CTTN: variants seen among roughly 807,000 people sequenced by gnomAD.
CTTN encodes src substrate cortactin.
Under a neutral mutation model 84.0 loss-of-function variants are expected in CTTN, and 28 were observed. That is an observed-to-expected ratio of 0.33 (90% confidence interval 0.25 to 0.46). The LOEUF is 0.46. Among genes scored for constraint, CTTN ranks in the 20% least tolerant of loss-of-function variants. The pLI is 1.00. For missense variants in CTTN, 641 were observed against 723.8 expected (o/e 0.89, Z 1.31); for synonymous variants, 301 against 288.8 (o/e 1.04, Z -0.43).
chr11:70,399,142 G>T (rs2135539640), intron 1 of CTTN, among the ~76,000 whole-genome samples: 1 of 150,996 alleles, frequency 6.6e-6, no homozygotes, highest in East Asian at 2.0e-4. Context: ...TGGGTGTGGG[G>T]GGTCTCAAGG....
rs760754072 is a variant in CTTN at position 70,419,762 on chromosome 11, C to T, written c.585C>T (p.Phe195=). Residue 195 remains phenylalanine, a synonymous_variant, in exon 9 of 18, where the codon TTC becomes TTT. Transcript: ENST00000301843. ...TGTTTTTAGATTACTCCAAAGGTTT[C>T]GGCGGCAAATACGGTATCGACAAGG... is the stretch of plus-strand genomic sequence containing the variant. ...HESQRDYSKG[F]GGKYGIDKDK... is the part of the protein sequence containing the mutation. 2.4e-5 allele frequency: 39 copies of T among 1,610,194 alleles called. 1 individual carries two copies. The South Asian group carries it at 2.6e-4, about 11-fold the overall frequency.
At chr11:70,399,194 G>A (rs1034214056) in intron 1 of CTTN, among the ~76,000 whole-genome samples, 1 of 151,464 alleles carries the variant, frequency 6.6e-6, no homozygotes, top group Non-Finnish European at 1.5e-5. Flanking sequence ...GGGTGCAGAG[G>A]GAAAGGGATG....
At chr11:70,400,537 C>T (rs368844259) in intron 1 of CTTN, among the ~76,000 whole-genome samples, 1 of 152,238 alleles carries the variant, frequency 6.6e-6, no homozygotes, top group African/African-American at 2.4e-5. Context: ...CTTAAGCGAT[C>T]CTCCCACCTC....
rs746605499 is a variant in CTTN, at chr11:70,423,014, G to T, written c.957+19G>T. 2.5e-6 allele frequency: 4 copies of T among 1,613,890 alleles called. No homozygotes were observed. The highest frequency in any genetic ancestry group is 3.4e-6 in the Non-Finnish European group (4 of 1,179,896). Reference sequence around the variant, plus strand: ...GGATAAGGTAAATATTCCAGCCCCGGAGCTTAGTGTCTTCTGCCTGCAGGG... The same window carrying T: ...GGATAAGGTAAATATTCCAGCCCCGTAGCTTAGTGTCTTCTGCCTGCAGGG... On this transcript the variant is annotated intron_variant, in intron 12 of 17. Transcript: ENST00000301843.
chr11:70,422,243 A>G (rs2058245372), intron 11 of CTTN: 1 of 348,638 alleles, frequency 2.9e-6, no homozygotes, highest in Non-Finnish European at 5.7e-6. Flanking sequence ...TAGAACCTGA[A>G]CACATAATTG....
intron 5 of CTTN, among the ~76,000 whole-genome samples, chr11:70,413,465 GTC>G (rs918953939): frequency 2.9e-4 from 44 of 152,320 alleles, no homozygotes; most frequent in African/African-American, 1.0e-3. Context: ...GGACCAGAGG[GTC>G]TCTCAATAGA....
At chr11:70,434,620 C>A (rs1565502258) in intron 17 of CTTN, among the ~76,000 whole-genome samples, 1 of 152,266 alleles carries the variant, frequency 6.6e-6, no homozygotes, top group Non-Finnish European at 1.5e-5. Flanking sequence ...CCCATTTCAG[C>A]CATCACCTCG....
At chr11:70,402,664 G>C (rs535478192) in intron 1 of CTTN, among the ~76,000 whole-genome samples, 1 of 152,318 alleles carries the variant, frequency 6.6e-6, no homozygotes, top group Admixed American at 6.5e-5. Context: ...TGTCACTGCT[G>C]GATCCTCTTT....
intron 11 of CTTN, chr11:70,421,903 C>T (rs540056543): frequency 2.9e-5 from 9 of 315,776 alleles, no homozygotes; most frequent in Non-Finnish European, 4.7e-5. Flanking sequence ...CTGCCCGAGG[C>T]TGTTCTGCTG....
At chr11:70,420,567 C>A (rs932985486) in intron 10 of CTTN, 57 bp downstream of exon 10, 5 of 1,292,242 alleles carry the variant, frequency 3.9e-6, no homozygotes, top group Non-Finnish European at 4.5e-6. Context: ...TTGTTCCTTG[C>A]GGGGTCAGTT....
rs573979780 is a variant in CTTN, at chr11:70,415,790, G to A, written c.457+73G>A. 4.0e-5 allele frequency: 59 copies of A among 1,472,754 alleles called. 1 individual carries two copies. In the Middle Eastern group the frequency reaches 1.3e-3, roughly 32 times the overall value. 91.2% of individuals were successfully genotyped at this position (1,472,754 alleles called of 1,614,324 possible). A position where few individuals can be genotyped will look rare whatever the true frequency, so the allele number is the denominator to read the frequency against. On this transcript the variant is annotated intron_variant, in intron 7 of 17. Coordinates refer to ENST00000301843, the MANE Select transcript of CTTN (RefSeq NM_005231.4). ...GGGAGAGTCACAGCCACCTGAAGCC[G>A]TTTCCCCGCGCTCCGGGGGCCCTGA...
In CTTN at chr11:70,433,538, G is replaced by A. The variant is rs548735349; in HGVS notation, c.1445-109G>A. 50 of 940,596 alleles carry A rather than the reference G, an allele frequency of 5.3e-5. 1 individual carries two copies. The Admixed American group carries it at 7.1e-4, about 13-fold the overall frequency. The allele number at this position is 940,596 out of a possible 1,614,324, so 58.3% of individuals were successfully genotyped here. On this transcript the variant is annotated intron_variant, in intron 16 of 17. Coordinates refer to ENST00000301843, the MANE Select transcript of CTTN (RefSeq NM_005231.4). ...AGAGGAAGGGAGGGTTTCAGCTGCCGCCCTGTGTCCTTGAGACAAAATCTT... is the reference window on the plus strand; with the variant it reads ...AGAGGAAGGGAGGGTTTCAGCTGCCACCCTGTGTCCTTGAGACAAAATCTT...
chr11:70,425,081 G>A (rs538299130), intron 12 of CTTN, among the ~76,000 whole-genome samples: 3 of 152,302 alleles, frequency 2.0e-5, no homozygotes, highest in East Asian at 3.9e-4. Flanking sequence ...GAATTGGTTT[G>A]TGGTAGAGCA....
At chr11:70,422,277 T>C (rs1045233583) in intron 11 of CTTN, 20 of 350,670 alleles carry the variant, frequency 5.7e-5, no homozygotes, top group Non-Finnish European at 9.1e-5. Flanking sequence ...TCCCTAACCT[T>C]GCAGGGAAGA....
At chr11:70,416,822 C>G (rs955271276) in intron 7 of CTTN, 191 bp from the exon 8 acceptor site, 6 of 577,162 alleles carry the variant, frequency 1.0e-5, no homozygotes, top group Admixed American at 2.9e-5. Context: ...CCAGAACCCC[C>G]CCATGCACCT....
rs777895204 is a variant in CTTN at position 70,433,599 on chromosome 11, C to T, written c.1445-48C>T. 5 of 1,363,110 alleles carry T rather than the reference C, an allele frequency of 3.7e-6. No individual in the cohort carries two copies. The African/African-American group carries it at 7.2e-5, about 20-fold the overall frequency. 84.4% of individuals were successfully genotyped at this position (1,363,110 alleles called of 1,614,324 possible). ...GTCTAAAACTTGAGAAGGCTGGGAA[C>T]CTGTGTGGGACTTTGTATTGTTCAG... On this transcript the variant is annotated intron_variant, in intron 16 of 17. Coordinates refer to ENST00000301843, the MANE Select transcript of CTTN (RefSeq NM_005231.4).
In CTTN at chr11:70,435,694, T is replaced by A; in HGVS notation, c.*532T>A. ...GTCACCCAGAGCACAGGAGCTGCCA[T>A]GTCAGATGGGAAATCTGCCTATGTC... On this transcript the variant is annotated 3_prime_UTR_variant, in exon 18 of 18. Coordinates refer to ENST00000301843, the MANE Select transcript of CTTN (RefSeq NM_005231.4). 6.3e-7 allele frequency: 1 copy of A among 1,597,792 alleles called. No individual in the cohort carries two copies. Among genetic ancestry groups the A allele is most frequent in the Non-Finnish European group, 8.5e-7 (1 of 1,179,612 alleles).
intron 14 of CTTN, 72 bp from the exon 15 acceptor site, chr11:70,431,119 C>A: frequency 6.7e-7 from 1 of 1,483,998 alleles, no homozygotes; most frequent in Non-Finnish European, 9.4e-7. Context: ...ACACGATCTT[C>A]TGAAACACGG....
intron 8 of CTTN, among the ~76,000 whole-genome samples, chr11:70,419,209 C>G (rs1030203177): frequency 1.3e-5 from 2 of 151,144 alleles, no homozygotes; most frequent in African/African-American, 4.9e-5. Context: ...CTCCTGGGTT[C>G]CAGTGATTCT....
Sources: gnomAD v4.1 joint callset for allele counts (sites outside exome capture counted in the v4.1 genomes callset) on GRCh38, gnomAD v4.1.1 for gene constraint, MANE v1.5 for transcripts, NCBI Gene and HGNC (gene_info 2026-07-23, HGNC 2026-07-21) for gene names.